BICC1: variants seen among roughly 807,000 people sequenced by gnomAD.
BICC1 encodes protein bicaudal C homolog 1.
Under a neutral mutation model 111.0 loss-of-function variants are expected in BICC1, and 43 were observed. The observed-to-expected ratio is 0.39, with a 90% confidence interval of 0.30 to 0.50. BICC1 has a LOEUF of 0.50. Ranked by LOEUF, BICC1 falls within the 20% of genes least tolerant of loss-of-function variation. The pLI is 0.88. For missense variants in BICC1, 1,091 were observed against 1,203.2 expected (o/e 0.91, Z 1.38); for synonymous variants, 467 against 434.4 (o/e 1.07, Z -0.93).
At chr10:58,647,230 ATT>A (rs1564529830) in intron 2 of BICC1, among the ~76,000 whole-genome samples, 2 of 152,162 alleles carry the variant, frequency 1.3e-5, no homozygotes, top group Admixed American at 1.3e-4. Context: ...AAAAAATATC[ATT>A]GTTTTATTTA....
At chr10:58,660,974 T>G (rs1838824497) in intron 2 of BICC1, among the ~76,000 whole-genome samples, 1 of 152,206 alleles carries the variant, frequency 6.6e-6, no homozygotes, top group African/African-American at 2.4e-5. Context: ...AATTTGTCCA[T>G]TTCTCCCACA....
At chr10:58,827,766 C>T (rs1245621894) in intron 20 of BICC1, among the ~76,000 whole-genome samples, 1 of 151,982 alleles carries the variant, frequency 6.6e-6, no homozygotes, top group African/African-American at 2.4e-5. Context: ...ATGAAAAAAG[C>T]AAAAATGGCA....
chr10:58,678,957 G>T (rs1839429652), intron 2 of BICC1, among the ~76,000 whole-genome samples: 1 of 152,100 alleles, frequency 6.6e-6, no homozygotes, highest in Admixed American at 6.6e-5. Flanking sequence ...AACAAAATTA[G>T]GCAGAAATAA....
chr10:58,789,847 C>G lies in BICC1; in HGVS notation c.961C>G (p.Pro321Ala), dbSNP rs752744638. Residue 321 changes from proline to alanine, a missense_variant, in exon 8 of 21, where the codon CCT becomes GCT. By Grantham distance (27) the Pro-to-Ala change is conservative. Around this residue, in one of 3 missense-constraint regions of BICC1, gnomAD observed 843 missense variants for 900.8 expected, o/e 0.94. Transcript: ENST00000373886. ...MQRTGAQIHF[P>A]DPSNPQKKST... The stretch of plus-strand genomic sequence containing the variant: ...GAGAACAGGTGCTCAGATCCACTTT[C>G]CTGATCCCAGTAATCCACAAAAGAA... 6.2e-7 allele frequency: 1 copy of G among 1,614,158 alleles called. No homozygotes were observed. Among genetic ancestry groups the G allele is most frequent in the South Asian group, 1.1e-5 (1 of 91,080 alleles).
intron 2 of BICC1, among the ~76,000 whole-genome samples, chr10:58,643,198 A>G (rs1838174518): frequency 6.6e-6 from 1 of 152,288 alleles, no homozygotes; most frequent in African/African-American, 2.4e-5. Context: ...AGTCCTCTGA[A>G]GGCTTTGTGA....
intron 1 of BICC1, among the ~76,000 whole-genome samples, chr10:58,601,662 C>T (rs954219580): frequency 7.9e-5 from 12 of 152,074 alleles, no homozygotes; most frequent in Non-Finnish European, 5.9e-5. Context: ...AATTATTCTT[C>T]AAAATGGTTG....
intron 2 of BICC1, among the ~76,000 whole-genome samples, chr10:58,622,543 C>T (rs1473553432): frequency 2.3e-4 from 35 of 152,194 alleles, no homozygotes; most frequent in Non-Finnish European, 1.2e-4. Context: ...TATTCTTGGT[C>T]ACAGATTAAT....
rs537675644 is a variant in BICC1 at position 58,803,161 on chromosome 10, C to T, written c.2100C>T (p.Arg700=). 67 of 1,611,702 alleles carry T rather than the reference C, an allele frequency of 4.2e-5. No individual in the cohort carries two copies. Among genetic ancestry groups the T allele is most frequent in the Non-Finnish European group, 5.5e-5 (65 of 1,178,900 alleles). ...LADKKAPGSE[R]AAERAAAAQQ... is the part of the protein sequence containing the mutation. ...ACAAGAAGGCTCCAGGGAGTGAGCG[C>T]GCTGCAGAGAGGGCAGCAGCTGCCC... is the stretch of plus-strand genomic sequence containing the variant. Residue 700 remains arginine (R), a synonymous_variant, in exon 15 of 21, where the codon CGC becomes CGT. Coordinates refer to ENST00000373886, the MANE Select transcript of BICC1 (RefSeq NM_001080512.3).
chr10:58,769,021 G>A (rs1220423116), intron 3 of BICC1, among the ~76,000 whole-genome samples: 2 of 151,978 alleles, frequency 1.3e-5, no homozygotes, highest in African/African-American at 4.8e-5. Flanking sequence ...ATTATGTTAA[G>A]CGAAATAAAC....
At chr10:58,627,135 C>T (rs548136317) in intron 2 of BICC1, among the ~76,000 whole-genome samples, 11 of 151,926 alleles carry the variant, frequency 7.2e-5, no homozygotes, top group East Asian at 1.9e-4. Context: ...TGATAGTGAA[C>T]GTAACTTAAT....
At chr10:58,671,967 T>C (rs974974442) in intron 2 of BICC1, among the ~76,000 whole-genome samples, 3 of 152,196 alleles carry the variant, frequency 2.0e-5, no homozygotes, top group African/African-American at 7.2e-5. Flanking sequence ...TCTATGACTT[T>C]GTTGTTGTCT....
chr10:58,559,436 T>G (rs1191909333), intron 1 of BICC1, among the ~76,000 whole-genome samples: 1 of 152,174 alleles, frequency 6.6e-6, no homozygotes, highest in Non-Finnish European at 1.5e-5. Flanking sequence ...TACCAAATTT[T>G]GTATTTTGAT....
chr10:58,769,268 A>G lies in BICC1; in HGVS notation c.308-15733A>G, dbSNP rs183930650. Among the ~76,000 whole-genome samples the G allele has an allele frequency of 3.6e-4, 44 of 123,332 alleles. No individual in the cohort carries two copies. The South Asian group carries it at 7.6e-3, about 21-fold the overall frequency. The allele number at this position is 123,332 out of a possible 152,430, so 80.9% of individuals were successfully genotyped here. A position where few individuals can be genotyped will look rare whatever the true frequency, so the allele number is the denominator to read the frequency against. On this transcript the variant is annotated intron_variant, in intron 3 of 20. Transcript: ENST00000373886. ...CCCTTGAAATTTGCTAACAGGGTAG[A>G]TTTTAAATGTTCTCAACACACACAC...
At chr10:58,537,581 A>G (rs1470838089) in intron 1 of BICC1, among the ~76,000 whole-genome samples, 2 of 151,878 alleles carry the variant, frequency 1.3e-5, no homozygotes, top group Admixed American at 6.6e-5. Context: ...GAACAAGACA[A>G]GGATGCCCAC....
chr10:58,801,671 T>G (rs1843553395), intron 14 of BICC1, among the ~76,000 whole-genome samples: 1 of 152,146 alleles, frequency 6.6e-6, no homozygotes, highest in Non-Finnish European at 1.5e-5. Flanking sequence ...GTCCACCTGA[T>G]TTCCTCTGCT....
intron 1 of BICC1, among the ~76,000 whole-genome samples, chr10:58,532,239 G>A (rs1473577168): frequency 6.6e-6 from 1 of 151,544 alleles, no homozygotes; most frequent in South Asian, 2.1e-4. Context: ...AAGCATCGCA[G>A]GACAGAGTGG....
At chr10:58,664,963 A>G (rs963694872) in intron 2 of BICC1, among the ~76,000 whole-genome samples, 3 of 152,030 alleles carry the variant, frequency 2.0e-5, no homozygotes, top group Non-Finnish European at 4.4e-5. Flanking sequence ...TGCTACATTG[A>G]GCTTAATATG....
chr10:58,648,109 TA>T (rs113779493), intron 2 of BICC1, among the ~76,000 whole-genome samples: 6 of 151,706 alleles, frequency 4.0e-5, no homozygotes, highest in African/African-American at 9.7e-5. Context: ...CAACTGCATT[TA>T]AAAAAAAATG....
chr10:58,525,323 T>A (rs12218084), intron 1 of BICC1, among the ~76,000 whole-genome samples: 5,451 of 73,808 alleles, frequency 0.074, 365 homozygotes, highest in Middle Eastern at 0.17. Context: ...CAAATGTCCA[T>A]CAATGATAGA....
Sources: gnomAD v4.1 joint callset for allele counts (sites outside exome capture counted in the v4.1 genomes callset) on GRCh38, gnomAD v4.1.1 for gene constraint, gnomAD v4.1.1 regional missense constraint, MANE v1.5 for transcripts, NCBI Gene and HGNC (gene_info 2026-07-23, HGNC 2026-07-21) for gene names.